Variants in PLA2G12B observed in about 807,000 individuals in gnomAD.
PLA2G12B encodes group XIIB secretory phospholipase A2-like protein.
PLA2G12B carries 19 observed loss-of-function variants against 22.3 expected under a neutral mutation model. That is an observed-to-expected ratio of 0.85 (90% CI 0.60 to 1.25). The LOEUF is 1.25. Ranked by LOEUF, PLA2G12B falls within the 50% of genes most tolerant of loss-of-function variation. PLA2G12B has a pLI of 0.00. For missense variants in PLA2G12B, 191 were observed against 246.6 expected, an observed-to-expected ratio of 0.77 and a Z score of 1.51; for synonymous variants, 81 against 94.9, an observed-to-expected ratio of 0.85 and a Z score of 0.85.
intron 1 of PLA2G12B, among the ~76,000 whole-genome samples, chr10:72,946,601 T>TG (rs1846446739): frequency 1.3e-5 from 2 of 152,202 alleles, no homozygotes; most frequent in African/African-American, 4.8e-5. Flanking sequence ...CACTAACACT[T>TG]GCTATTGTCT....
intron 3 of PLA2G12B, among the ~76,000 whole-genome samples, chr10:72,936,228 T>A (rs1846278225): frequency 6.6e-6 from 1 of 152,180 alleles, no homozygotes; most frequent in Non-Finnish European, 1.5e-5. Flanking sequence ...ACAAAAGGCA[T>A]CCTCAACTTA....
At position 72,935,712 on chromosome 10, in the gene PLA2G12B, C is replaced by T; in HGVS notation, c.493G>A (p.Val165Met). Residue 165 changes from valine (V) to methionine (M), a missense_variant, in exon 4 of 4, where the codon GTG (valine) becomes ATG (methionine). Val to Met is a conservative substitution (Grantham distance 21). Transcript: ENST00000373032. The stretch of plus-strand genomic sequence containing the variant: ...CCCAAGGTCCACACGGTGTTGAACA[C>T]AGTGTCAACCAGGGAATCACAGGCT... Reference protein sequence around the residue: ...EAACDSLVDTVFNTVWTLGCR... With the variant: ...EAACDSLVDTMFNTVWTLGCR... The T allele has an allele frequency of 6.2e-7, 1 of 1,613,978 alleles. No homozygotes were observed. The highest frequency in any genetic ancestry group is 2.2e-5 in the East Asian group (1 of 44,880).
At chr10:72,941,977 T>C (rs1162619019) in intron 2 of PLA2G12B, among the ~76,000 whole-genome samples, 1 of 152,100 alleles carries the variant, frequency 6.6e-6, no homozygotes, top group African/African-American at 2.4e-5. Flanking sequence ...ATAAACTGTG[T>C]CACTAAGTTC....
intron 1 of PLA2G12B, among the ~76,000 whole-genome samples, chr10:72,951,265 A>G (rs1011774627): frequency 6.6e-6 from 1 of 152,142 alleles, no homozygotes; most frequent in Non-Finnish European, 1.5e-5. Flanking sequence ...TTTCTCCTAA[A>G]TTCAAACCCA....
chr10:72,935,745 A>G lies in PLA2G12B; in HGVS notation c.467-7T>C, dbSNP rs762601267. On this transcript the variant is annotated splice_polypyrimidine_tract_variant and splice_region_variant and intron_variant, in intron 3 of 3. Coordinates refer to ENST00000373032, the MANE Select transcript of PLA2G12B (RefSeq NM_032562.5). ...ACCAGGGAATCACAGGCTGCTTGAA[A>G]AAGATGAAGAGGGACAGAAAGGTTA... 5 of 1,613,552 alleles carry G rather than the reference A, an allele frequency of 3.1e-6. No individual in the cohort carries two copies. In the Admixed American group the frequency reaches 8.3e-5, roughly 27 times the overall value.
chr10:72,937,432 ATTCTACTTGGC>A (rs1209449280), intron 3 of PLA2G12B, among the ~76,000 whole-genome samples: 7 of 152,198 alleles, frequency 4.6e-5, no homozygotes, highest in South Asian at 2.1e-4. Flanking sequence ...AAGAAATCCA[ATTCTACTTGGC>A]TTCACTGGGG....
intron 3 of PLA2G12B, among the ~76,000 whole-genome samples, chr10:72,937,656 A>T (rs1260952055): frequency 6.6e-6 from 1 of 152,184 alleles, no homozygotes; most frequent in Non-Finnish European, 1.5e-5. Flanking sequence ...ATAGTAGTAA[A>T]CTGAATCCAG....
At chr10:72,947,960 C>A (rs986593276) in intron 1 of PLA2G12B, among the ~76,000 whole-genome samples, 2 of 152,156 alleles carry the variant, frequency 1.3e-5, no homozygotes, top group Admixed American at 1.3e-4. Flanking sequence ...CTACAACCTC[C>A]GCCTCCTGTG....
Position 72,935,581 on chromosome 10 carries a change from GGT to G in PLA2G12B, c.*34_*35del, listed in dbSNP as rs1290893077. 1.9e-6 allele frequency: 3 copies of G among 1,611,430 alleles called. No homozygotes were observed. In the African/African-American group the frequency reaches 4.0e-5, roughly 22 times the overall value. On this transcript the variant is annotated 3_prime_UTR_variant, in exon 4 of 4. Coordinates refer to ENST00000373032, the MANE Select transcript of PLA2G12B (RefSeq NM_032562.5). ...TGACATCTTGAAGGCTGACAGCTGT[GGT>G]GTCACTCAAAACCAGGAAGGAATCA...
intron 1 of PLA2G12B, among the ~76,000 whole-genome samples, chr10:72,945,571 T>C (rs1846426638): frequency 6.6e-6 from 1 of 152,082 alleles, no homozygotes; most frequent in Non-Finnish European, 1.5e-5. Context: ...GTGTGTGATA[T>C]AATCTTTGCT....
chr10:72,943,322 G>A (rs1040175273), intron 1 of PLA2G12B, among the ~76,000 whole-genome samples: 7 of 151,908 alleles, frequency 4.6e-5, no homozygotes, highest in Non-Finnish European at 8.8e-5. Flanking sequence ...TGAAGATAAG[G>A]GCCATGGCAA....
chr10:72,942,680 T>C lies in PLA2G12B; in HGVS notation c.272A>G (p.Tyr91Cys). The C allele has an allele frequency of 1.9e-6, 3 of 1,607,524 alleles. No individual in the cohort carries two copies. The highest frequency in any genetic ancestry group is 1.3e-5 in the African/African-American group (1 of 74,914). The change falls in exon 2 of 4, where the codon TAT (tyrosine) becomes TGT (cysteine). Residue 91 changes from tyrosine to cysteine, a missense_variant. Physicochemically the swap from Tyr to Cys is radical, Grantham distance 194. Coordinates refer to ENST00000373032, the MANE Select transcript of PLA2G12B (RefSeq NM_032562.5). The stretch of plus-strand genomic sequence containing the variant: ...TTCTGGTACCTTGAGACCCAGGAAA[T>C]AGGAGCCGCAGCCATTGGGCTCTTG... Reference protein sequence around the residue: ...KPQEPNGCGSYFLGLKVPESM... With the variant: ...KPQEPNGCGSCFLGLKVPESM...
At position 72,954,413 on chromosome 10, in the gene PLA2G12B, T is replaced by G. The variant is rs1846582628; in HGVS notation, c.211+62A>C. On this transcript the variant is annotated intron_variant, in intron 1 of 3. Coordinates refer to ENST00000373032, the MANE Select transcript of PLA2G12B (RefSeq NM_032562.5). Reference sequence around the variant, plus strand: ...AAAGTGCAAGACAGATCGTGACCTCTCTGGGGCTGTCCATGGGTCCACCAG... The same window carrying G: ...AAAGTGCAAGACAGATCGTGACCTCGCTGGGGCTGTCCATGGGTCCACCAG... The G allele has an allele frequency of 3.1e-6, 5 of 1,605,806 alleles. 1 individual carries two copies. Among genetic ancestry groups the G allele is most frequent in the Middle Eastern group, 1.7e-4 (1 of 6,052 alleles).
At chr10:72,944,511 G>C (rs1430467908) in intron 1 of PLA2G12B, among the ~76,000 whole-genome samples, 2 of 152,120 alleles carry the variant, frequency 1.3e-5, no homozygotes, top group East Asian at 3.9e-4. Flanking sequence ...AAAATCCATT[G>C]AATGTATAGA....
chr10:72,935,706 T>G lies in PLA2G12B; in HGVS notation c.499A>C (p.Asn167His). Residue 167 changes from asparagine to histidine, a missense_variant, in exon 4 of 4, where the codon AAC becomes CAC. Coordinates refer to ENST00000373032, the MANE Select transcript of PLA2G12B (RefSeq NM_032562.5). Reference protein sequence around the residue: ...ACDSLVDTVFNTVWTLGCRPF... With the variant: ...ACDSLVDTVFHTVWTLGCRPF... The stretch of plus-strand genomic sequence containing the variant: ...CGGCAGCCCAAGGTCCACACGGTGT[T>G]GAACACAGTGTCAACCAGGGAATCA... The G allele has an allele frequency of 6.2e-7, 1 of 1,614,106 alleles. No homozygotes were observed. Among genetic ancestry groups the G allele is most frequent in the South Asian group, 1.1e-5 (1 of 91,066 alleles).
In PLA2G12B at chr10:72,954,491, C is replaced by T. The variant is rs1161724364; in HGVS notation, c.195G>A (p.Gln65=). The part of the protein sequence containing the change: ...ELLGGKNGVC[Q]YRCRYGKAPM... ...CACACTCACCATATCGGCACCTGTA[C>T]TGACAGACTCCATTCTTCCCTCCCA... Residue 65 remains glutamine, a synonymous_variant, in exon 1 of 4, where the codon CAG becomes CAA. Coordinates refer to ENST00000373032, the MANE Select transcript of PLA2G12B (RefSeq NM_032562.5). 1.2e-6 allele frequency: 2 copies of T among 1,614,222 alleles called. No individual in the cohort carries two copies. Among genetic ancestry groups the T allele is most frequent in the Non-Finnish European group, 1.7e-6 (2 of 1,180,048 alleles).
chr10:72,941,492 A>G (rs1180064508), intron 2 of PLA2G12B, among the ~76,000 whole-genome samples, 158 bp from the exon 3 acceptor site: 1 of 152,212 alleles, frequency 6.6e-6, no homozygotes, highest in African/African-American at 2.4e-5. Flanking sequence ...TCAGTAGAAT[A>G]CCAACAGTCA....
intron 3 of PLA2G12B, among the ~76,000 whole-genome samples, chr10:72,936,748 A>G (rs1846285037): frequency 6.6e-6 from 1 of 152,222 alleles, no homozygotes; most frequent in Non-Finnish European, 1.5e-5. Flanking sequence ...GGTAAATTTT[A>G]CGGTATGTGA....
chr10:72,943,113 G>A (rs150943324), intron 1 of PLA2G12B, among the ~76,000 whole-genome samples: 1,767 of 151,928 alleles, frequency 0.012, 32 homozygotes, highest in African/African-American at 0.04. Context: ...TTACAGGCAT[G>A]TGTCACCACG....
Sources: gnomAD v4.1 joint callset for allele counts (sites outside exome capture counted in the v4.1 genomes callset) on GRCh38, gnomAD v4.1.1 for gene constraint, MANE v1.5 for transcripts, NCBI Gene and HGNC (gene_info 2026-07-23, HGNC 2026-07-21) for gene names.